RCOR1: variants seen among roughly 807,000 people sequenced by gnomAD.
RCOR1 encodes the protein REST corepressor.
In RCOR1, 12 loss-of-function variants were observed where a neutral mutation model predicts 64.0. The observed-to-expected ratio is 0.19, with a 90% confidence interval of 0.12 to 0.30. RCOR1 has a LOEUF of 0.30. Among genes scored for constraint, RCOR1 ranks in the 10% least tolerant of loss-of-function variants. RCOR1 has a pLI of 1.00. For missense variants in RCOR1, 502 were observed against 621.2 expected (o/e 0.81, Z 2.04); for synonymous variants, 279 against 227.2 (o/e 1.23, Z -2.05).
chr14:102,599,609 T>C lies in RCOR1; in HGVS notation c.361+6284T>C, dbSNP rs181749596. ...AGATCTGAAAATTTGTGGTTGTCAT[T>C]GGCTTAACTGTCACTTCAGAGTTGA... On this transcript the variant is annotated intron_variant, in intron 2 of 11. Coordinates refer to ENST00000262241, the MANE Select transcript of RCOR1 (RefSeq NM_015156.4). Among the ~76,000 whole-genome samples, 8 of 152,314 alleles carry C rather than the reference T, an allele frequency of 5.3e-5. No homozygotes were observed. In the East Asian group the frequency reaches 1.5e-3, roughly 29 times the overall value.
intron 2 of RCOR1, among the ~76,000 whole-genome samples, chr14:102,634,986 G>A (rs1894207050): frequency 6.6e-6 from 1 of 151,624 alleles, no homozygotes; most frequent in African/African-American, 2.4e-5. Flanking sequence ...AGGATTACAG[G>A]TGTGAGCCAC....
intron 5 of RCOR1, among the ~76,000 whole-genome samples, chr14:102,708,187 G>C (rs906212096): frequency 6.6e-6 from 1 of 151,956 alleles, no homozygotes; most frequent in African/African-American, 2.4e-5. Context: ...GGATGGTCTC[G>C]ATCTCTTGAC....
At chr14:102,593,979 A>G (rs1893190022) in intron 2 of RCOR1, among the ~76,000 whole-genome samples, 2 of 152,170 alleles carry the variant, frequency 1.3e-5, no homozygotes, top group South Asian at 2.1e-4. Flanking sequence ...TTGGAGGAAG[A>G]GATTGTGAAA....
At chr14:102,673,607 T>C (rs915053398) in intron 2 of RCOR1, among the ~76,000 whole-genome samples, 13 of 151,674 alleles carry the variant, frequency 8.6e-5, no homozygotes, top group Non-Finnish European at 1.9e-4. Context: ...AGTGCTGGGA[T>C]TACAGGCGTG....
intron 2 of RCOR1, among the ~76,000 whole-genome samples, chr14:102,615,558 C>T (rs1316520307): frequency 6.6e-6 from 1 of 150,594 alleles, no homozygotes; most frequent in African/African-American, 2.4e-5. Context: ...AAGCAATTCT[C>T]CTGCCTCAGC....
rs75751656 is a variant in RCOR1, at chr14:102,729,789, A to G, written c.*3283A>G. On this transcript the variant is annotated 3_prime_UTR_variant, in exon 12 of 12. Transcript: ENST00000262241. The stretch of plus-strand genomic sequence containing the variant: ...ACACCAAAAATAAGCCAAACAGTGC[A>G]TTACGCTAACTGGATCCCTGCTTTT... 7.9e-4 allele frequency: 314 copies of G among 399,054 alleles called. 2 individuals carry two copies. The highest frequency in any genetic ancestry group is 5.8e-3 in the African/African-American group (282 of 48,764). 24.7% of individuals were successfully genotyped at this position (399,054 alleles called of 1,614,324 possible). A position where few individuals can be genotyped will look rare whatever the true frequency, so the allele number is the denominator to read the frequency against.
In RCOR1 at chr14:102,697,965, C is replaced by T. The variant is rs138233382; in HGVS notation, c.446-3313C>T. ...CGAACTCCTGACCTCAAGTGATCCT[C>T]TTGCCTCAGCCTCCCAAAGTGCTGG... On this transcript the variant is annotated intron_variant, in intron 3 of 11. Transcript: ENST00000262241. 6.6e-5 allele frequency among the ~76,000 whole-genome samples: 10 copies of T among 152,354 alleles called. No homozygotes were observed. The East Asian group carries it at 9.6e-4, about 15-fold the overall frequency.
chr14:102,651,373 T>C (rs1448516391), intron 2 of RCOR1, among the ~76,000 whole-genome samples: 1 of 151,996 alleles, frequency 6.6e-6, no homozygotes, highest in Admixed American at 6.6e-5. Flanking sequence ...ACCAACACAG[T>C]GAAACCCCGT....
intron 2 of RCOR1, among the ~76,000 whole-genome samples, chr14:102,622,599 A>C (rs1893896489): frequency 6.6e-6 from 1 of 152,082 alleles, no homozygotes; most frequent in African/African-American, 2.4e-5. Context: ...GTATATCAGC[A>C]AAATTCCCCT....
At chr14:102,668,145 T>G (rs1421024520) in intron 2 of RCOR1, among the ~76,000 whole-genome samples, 1 of 152,196 alleles carries the variant, frequency 6.6e-6, no homozygotes, top group Middle Eastern at 3.2e-3. Flanking sequence ...CTCTTATTCA[T>G]GTGGCTGTTT....
rs188466445 is a variant in RCOR1 at position 102,653,692 on chromosome 14, G to A, written c.362-28203G>A. ...ATAGTGAGTGAGCTCTCGGGCGATC[G>A]GGTCGTCTAAAAGTGTGTAGCACCT... On this transcript the variant is annotated intron_variant, in intron 2 of 11. Coordinates refer to ENST00000262241, the MANE Select transcript of RCOR1 (RefSeq NM_015156.4). Among the ~76,000 whole-genome samples the A allele has an allele frequency of 3.1e-4, 47 of 151,930 alleles. 1 individual carries two copies. The highest frequency in any genetic ancestry group is 6.6e-4 in the Admixed American group (10 of 15,252).
intron 2 of RCOR1, among the ~76,000 whole-genome samples, chr14:102,618,523 G>C (rs1893809136): frequency 6.6e-6 from 1 of 152,038 alleles, no homozygotes; most frequent in Non-Finnish European, 1.5e-5. Context: ...TGAGAGGATC[G>C]CTTGAGCCCA....
chr14:102,614,147 G>C (rs1893697143), intron 2 of RCOR1, among the ~76,000 whole-genome samples: 1 of 151,430 alleles, frequency 6.6e-6, no homozygotes, highest in Non-Finnish European at 1.5e-5. Context: ...TACCCTCCTT[G>C]GCCTCCCAAC....
At chr14:102,705,247 GT>G (rs908681121) in intron 4 of RCOR1, among the ~76,000 whole-genome samples, 34 of 152,078 alleles carry the variant, frequency 2.2e-4, no homozygotes, top group Admixed American at 3.9e-4. Context: ...CCCCTACCTT[GT>G]TTTGTGGCTG....
intron 2 of RCOR1, among the ~76,000 whole-genome samples, chr14:102,668,798 T>C (rs1894970956): frequency 6.6e-6 from 1 of 152,212 alleles, no homozygotes; most frequent in African/African-American, 2.4e-5. Flanking sequence ...CTGTTTAGCT[T>C]TTAAATTCTT....
At chr14:102,593,940 T>C (rs922020808) in intron 2 of RCOR1, among the ~76,000 whole-genome samples, 1 of 152,244 alleles carries the variant, frequency 6.6e-6, no homozygotes, top group African/African-American at 2.4e-5. Flanking sequence ...TTTTAGGACC[T>C]ATTTGTAAAT....
chr14:102,698,705 C>G (rs1468538304), intron 3 of RCOR1, among the ~76,000 whole-genome samples: 1 of 152,176 alleles, frequency 6.6e-6, no homozygotes. Context: ...CTGTCTGTTT[C>G]TAGGTCTGGT....
intron 2 of RCOR1, chr14:102,659,343 T>C (rs1050347770): frequency 2.3e-6 from 2 of 866,508 alleles, no homozygotes; most frequent in African/African-American, 1.8e-5. Context: ...TTAAGGCTCA[T>C]AAAGTCTTCC....
At chr14:102,711,289 C>A (rs2139987558) in intron 7 of RCOR1, among the ~76,000 whole-genome samples, 1 of 152,314 alleles carries the variant, frequency 6.6e-6, no homozygotes, top group East Asian at 1.9e-4. Flanking sequence ...CTTCGTAAGC[C>A]ATTAGCTCAG....
Sources: gnomAD v4.1 joint callset for allele counts (sites outside exome capture counted in the v4.1 genomes callset) on GRCh38, gnomAD v4.1.1 for gene constraint, MANE v1.5 for transcripts, NCBI Gene and HGNC (gene_info 2026-07-23, HGNC 2026-07-21) for gene names.